PRTFDC1: variants seen among roughly 807,000 people sequenced by gnomAD.
The protein encoded by PRTFDC1 is phosphoribosyltransferase domain-containing protein 1.
In PRTFDC1, 38 loss-of-function variants were observed where a neutral mutation model predicts 34.6. The observed-to-expected ratio is 1.10, with a 90% confidence interval of 0.85 to 1.44. The LOEUF is 1.44. Among genes scored for constraint, PRTFDC1 ranks in the 40% most tolerant of loss-of-function variants. PRTFDC1 has a pLI of 0.00. For missense variants in PRTFDC1, 270 were observed against 283.0 expected, an observed-to-expected ratio of 0.95 and a Z score of 0.33; for synonymous variants, 93 against 98.1, an observed-to-expected ratio of 0.95 and a Z score of 0.31.
Position 24,849,898 on chromosome 10 carries a change from C to T in PRTFDC1, c.631-7G>A. 1 of 1,613,538 alleles carries T rather than the reference C, an allele frequency of 6.2e-7. No homozygotes were observed. ...CATTGATGACGCATATGTGCTGAAA[C>T]AATAAAGGATTTAAACGCATCAGTT... is the stretch of plus-strand genomic sequence containing the variant. On this transcript the variant is annotated splice_region_variant and splice_polypyrimidine_tract_variant and intron_variant, in intron 8 of 8. Transcript: ENST00000320152.
At chr10:24,912,097 T>A (rs957387469) in intron 3 of PRTFDC1, among the ~76,000 whole-genome samples, 9 of 151,548 alleles carry the variant, frequency 5.9e-5, no homozygotes, top group Non-Finnish European at 1.3e-4. Flanking sequence ...GGCGAAACCC[T>A]GTCTCTGCTA....
chr10:24,901,227 G>T (rs1848444560), intron 3 of PRTFDC1, among the ~76,000 whole-genome samples: 2 of 152,164 alleles, frequency 1.3e-5, no homozygotes, highest in South Asian at 4.1e-4. Context: ...GGCAGAGCAG[G>T]GTAACATCAA....
At chr10:24,882,728 A>G (rs979637314) in intron 3 of PRTFDC1, among the ~76,000 whole-genome samples, 2 of 150,654 alleles carry the variant, frequency 1.3e-5, no homozygotes, top group Non-Finnish European at 3.0e-5. Context: ...CTGGTCTTGG[A>G]CTCCTGGGCT....
chr10:24,905,546 C>T (rs533729009), intron 3 of PRTFDC1, among the ~76,000 whole-genome samples: 2 of 151,922 alleles, frequency 1.3e-5, no homozygotes, highest in Non-Finnish European at 2.9e-5. Context: ...GTCTCCTGAC[C>T]TTTTGATCCA....
chr10:24,890,447 A>G (rs1848240694), intron 3 of PRTFDC1, among the ~76,000 whole-genome samples: 1 of 152,236 alleles, frequency 6.6e-6, no homozygotes, highest in South Asian at 2.1e-4. Flanking sequence ...GCCAGTGGCT[A>G]TGGAACAAGG....
intron 3 of PRTFDC1, among the ~76,000 whole-genome samples, chr10:24,926,483 G>A (rs1214306869): frequency 1.3e-5 from 2 of 152,048 alleles, no homozygotes; most frequent in African/African-American, 2.4e-5. Context: ...TGAGTAGCTG[G>A]GACTACAGGC....
chr10:24,929,216 C>T (rs917862757), intron 3 of PRTFDC1, among the ~76,000 whole-genome samples: 2 of 152,232 alleles, frequency 1.3e-5, no homozygotes, highest in Admixed American at 6.5e-5. Flanking sequence ...CTCACAAGCA[C>T]AGATAACAAG....
chr10:24,864,013 CAA>C lies in PRTFDC1; in HGVS notation c.406-5606_406-5605del, dbSNP rs71399939. Among the ~76,000 whole-genome samples the C allele has an allele frequency of 4.8e-3, 503 of 105,888 alleles. 3 individuals carry two copies. The highest frequency in any genetic ancestry group is 0.023 in the East Asian group (85 of 3,656). 69.5% of individuals were successfully genotyped at this position (105,888 alleles called of 152,430 possible). On this transcript the variant is annotated intron_variant, in intron 4 of 8. Coordinates refer to ENST00000320152, the MANE Select transcript of PRTFDC1 (RefSeq NM_020200.7). ...CCAGCGACAGAGCAACAACTCGTCT[CAA>C]AAAAAAAAAAAAAAAAAGACTTTAG...
At chr10:24,917,027 C>A (rs1013688489) in intron 3 of PRTFDC1, among the ~76,000 whole-genome samples, 5 of 152,200 alleles carry the variant, frequency 3.3e-5, no homozygotes, top group Admixed American at 6.5e-5. Flanking sequence ...CAGGCTCTGT[C>A]CCCTTCCCCT....
At chr10:24,851,539 C>G in intron 7 of PRTFDC1, 75 bp from the exon 8 acceptor site, 3 of 1,558,344 alleles carry the variant, frequency 1.9e-6, no homozygotes, top group Non-Finnish European at 2.6e-6. Flanking sequence ...CCATATGCTG[C>G]TGTCGCCACT....
chr10:24,922,439 G>C (rs1848805362), intron 3 of PRTFDC1, among the ~76,000 whole-genome samples: 1 of 152,210 alleles, frequency 6.6e-6, no homozygotes, highest in Non-Finnish European at 1.5e-5. Context: ...TGTCATGGGA[G>C]GGACCCTGTG....
intron 3 of PRTFDC1, among the ~76,000 whole-genome samples, chr10:24,933,127 C>G (rs1261937208): frequency 1.3e-5 from 2 of 151,864 alleles, no homozygotes; most frequent in African/African-American, 4.8e-5. Context: ...TGACATGTCT[C>G]ACAGACCTAA....
rs562781847 is a variant in PRTFDC1 at position 24,944,570 on chromosome 10, G to A, written c.49-2134C>T. Among the ~76,000 whole-genome samples, 40 of 152,248 alleles carry A rather than the reference G, an allele frequency of 2.6e-4. 1 individual carries two copies. In the South Asian group the frequency reaches 8.3e-3, roughly 32 times the overall value. Reference sequence around the variant, plus strand: ...GGCTGAGGCGGGAAGACCTCTTGAGGCGAGGAGTTAGAGATCAGCCTGAGC... The same window carrying A: ...GGCTGAGGCGGGAAGACCTCTTGAGACGAGGAGTTAGAGATCAGCCTGAGC... On this transcript the variant is annotated intron_variant, in intron 1 of 8. Coordinates refer to ENST00000320152, the MANE Select transcript of PRTFDC1 (RefSeq NM_020200.7).
Position 24,849,892 on chromosome 10 carries a change from C to G in PRTFDC1, c.631-1G>C, listed in dbSNP as rs759652668. 6.2e-7 allele frequency: 1 copy of G among 1,613,668 alleles called. No individual in the cohort carries two copies. The highest frequency in any genetic ancestry group is 1.1e-5 in the South Asian group (1 of 91,034). The stretch of plus-strand genomic sequence containing the variant: ...CGTGCTCATTGATGACGCATATGTG[C>G]TGAAACAATAAAGGATTTAAACGCA... On this transcript the variant is annotated splice_acceptor_variant, in intron 8 of 8. Transcript: ENST00000320152. LOFTEE classifies it high-confidence loss of function.
At chr10:24,951,408 G>T in intron 1 of PRTFDC1, 1 of 373,018 alleles carries the variant, frequency 2.7e-6, no homozygotes, top group Non-Finnish European at 3.7e-6. Context: ...AACCCAGCAG[G>T]ACAATAAACG....
chr10:24,942,286 C>T lies in PRTFDC1; in HGVS notation c.155+44G>A, dbSNP rs373522233. On this transcript the variant is annotated intron_variant, in intron 2 of 8. Coordinates refer to ENST00000320152, the MANE Select transcript of PRTFDC1 (RefSeq NM_020200.7). ...TTGTGGGATTCACACAAGTGTGGGCCGGCCCAGTGCAGGACCAAGATTGAC... is the reference window on the plus strand; with the variant it reads ...TTGTGGGATTCACACAAGTGTGGGCTGGCCCAGTGCAGGACCAAGATTGAC... 9.9e-5 allele frequency: 146 copies of T among 1,472,580 alleles called. No individual in the cohort carries two copies. In the African/African-American group the frequency reaches 1.2e-3, roughly 12 times the overall value. The allele number at this position is 1,472,580 out of a possible 1,614,324, so 91.2% of individuals were successfully genotyped here.
rs901083967 is a variant in PRTFDC1 at position 24,848,935 on chromosome 10, T to C, written c.*909A>G. 6 of 152,224 alleles carry C rather than the reference T, an allele frequency of 3.9e-5. No homozygotes were observed. Among genetic ancestry groups the C allele is most frequent in the African/African-American group, 1.4e-4 (6 of 41,472 alleles). 9.4% of individuals were successfully genotyped at this position (152,224 alleles called of 1,614,324 possible). Reference sequence around the variant, plus strand: ...TCTTTTAAAGATATTTTTTAAAAAATTCAACCTCTGTCTTCACATTTAGGA... The same window carrying C: ...TCTTTTAAAGATATTTTTTAAAAAACTCAACCTCTGTCTTCACATTTAGGA... On this transcript the variant is annotated 3_prime_UTR_variant, in exon 9 of 9. Transcript: ENST00000320152.
At chr10:24,858,473 ATT>A in intron 4 of PRTFDC1, 64 bp from the exon 5 acceptor site, 1 of 1,542,968 alleles carries the variant, frequency 6.5e-7, no homozygotes, top group Non-Finnish European at 8.9e-7. Context: ...ATACATACAC[ATT>A]TTTTTGCTTA....
At position 24,903,947 on chromosome 10, in the gene PRTFDC1, G is replaced by A. The variant is rs148389007; in HGVS notation, c.340-31884C>T. On this transcript the variant is annotated intron_variant, in intron 3 of 8. Transcript: ENST00000320152. ...CAAGTGATTCTCCTGCCTCAGCCTC[G>A]CAAAGGGCTGGGATTACAGCTGTGA... Among the ~76,000 whole-genome samples, 93 of 151,818 alleles carry A rather than the reference G, an allele frequency of 6.1e-4. 1 individual carries two copies. The East Asian group carries it at 0.016, about 27-fold the overall frequency.
Sources: gnomAD v4.1 joint callset for allele counts (sites outside exome capture counted in the v4.1 genomes callset) on GRCh38, gnomAD v4.1.1 for gene constraint, MANE v1.5 for transcripts, NCBI Gene and HGNC (gene_info 2026-07-23, HGNC 2026-07-21) for gene names.